The following ZNF728 variants were observed in gnomAD, a reference collection of about 807,000 sequenced individuals.
The protein encoded by ZNF728 is zinc finger protein 728.
In ZNF728, 12 loss-of-function variants were observed where a neutral mutation model predicts 12.5. The ratio of observed to expected loss-of-function variants is 0.96; its 90% CI spans 0.61 to 1.55. The LOEUF (loss-of-function observed/expected upper bound fraction) is 1.55, where lower values mean the gene tolerates loss of function less well. Among genes scored for constraint, ZNF728 ranks in the 40% most tolerant of loss-of-function variants. The pLI is 0.00. For synonymous variants in ZNF728, 205 were observed against 240.7 expected, an observed-to-expected ratio of 0.85 and a Z score of 1.37; for missense variants, 692 against 719.2, an observed-to-expected ratio of 0.96 and a Z score of 0.43.
chr19:22,986,992 T>C (rs922710551), intron 3 of ZNF728, among the ~76,000 whole-genome samples: 48 of 152,140 alleles, frequency 3.2e-4, no homozygotes, highest in African/African-American at 1.1e-3. Context: ...CTTAAAATTA[T>C]GGAAATATCT....
At chr19:22,991,571 A>C (rs1968988253) in intron 1 of ZNF728, among the ~76,000 whole-genome samples, 1 of 152,208 alleles carries the variant, frequency 6.6e-6, no homozygotes, top group African/African-American at 2.4e-5. Flanking sequence ...ATGTTTCTGC[A>C]AGCACTGGTT....
At position 22,977,064 on chromosome 19, in the gene ZNF728, T is replaced by C; in HGVS notation, c.273A>G (p.Arg91=). 6.2e-7 allele frequency: 1 copy of C among 1,608,702 alleles called. No homozygotes were observed. The highest frequency in any genetic ancestry group is 8.5e-7 in the Non-Finnish European group (1 of 1,178,030). ...FAQDLWPEQG[R]EDSFQKVILR... ...ATATCACTTTTTGGAAAGAATCTTC[T>C]CTGCCCTGCTCTGGCCAAAGGTCTT... Residue 91 remains arginine (R), a synonymous_variant, in exon 4 of 4, where the codon AGA becomes AGG. Coordinates refer to ENST00000594710, the MANE Select transcript of ZNF728 (RefSeq NM_001267716.2).
chr19:22,999,950 T>C (rs1424219545), intron 1 of ZNF728, among the ~76,000 whole-genome samples: 2 of 152,244 alleles, frequency 1.3e-5, no homozygotes, highest in Non-Finnish European at 2.9e-5. Context: ...TACCACATTT[T>C]CTTGTGGAAA....
chr19:23,001,749 T>G (rs749371497), intron 1 of ZNF728, among the ~76,000 whole-genome samples: 5 of 152,148 alleles, frequency 3.3e-5, no homozygotes, highest in African/African-American at 9.7e-5. Flanking sequence ...ATGATTAAAA[T>G]AGGTATCAAA....
Position 22,976,948 on chromosome 19 carries a change from T to C in ZNF728, c.389A>G (p.Tyr130Cys). ...TGTCAAACTCTGGTTAAGCTTATTA[T>C]AACCTTTTTTGTGCACCTTACACTC... ...VDECKVHKKG[Y>C]NKLNQSLTTT... The change falls in exon 4 of 4, where the codon TAT becomes TGT. Residue 130 changes from tyrosine (Y) to cysteine (C), a missense_variant. By Grantham distance (194) the Tyr-to-Cys change is radical. Transcript: ENST00000594710. 1 of 1,613,568 alleles carries C rather than the reference T, an allele frequency of 6.2e-7. No individual in the cohort carries two copies. The highest frequency in any genetic ancestry group is 8.5e-7 in the Non-Finnish European group (1 of 1,179,768).
At chr19:22,990,439 C>A (rs1968974533) in intron 1 of ZNF728, among the ~76,000 whole-genome samples, 1 of 152,080 alleles carries the variant, frequency 6.6e-6, no homozygotes, top group African/African-American at 2.4e-5. Flanking sequence ...AAAACTCCAC[C>A]CAATTCTGTC....
intron 3 of ZNF728, among the ~76,000 whole-genome samples, chr19:22,980,762 T>C (rs1490823782): frequency 1.3e-5 from 2 of 152,136 alleles, no homozygotes; most frequent in East Asian, 3.8e-4. Context: ...AACAACCTGC[T>C]CCTGAATGAC....
intron 3 of ZNF728, among the ~76,000 whole-genome samples, chr19:22,985,362 A>G (rs190163355): frequency 6.6e-6 from 1 of 152,318 alleles, no homozygotes; most frequent in Admixed American, 6.5e-5. Flanking sequence ...CAGCATGGTT[A>G]ATATCTGTAA....
At chr19:22,999,783 C>T (rs1969087256) in intron 1 of ZNF728, among the ~76,000 whole-genome samples, 1 of 152,048 alleles carries the variant, frequency 6.6e-6, no homozygotes, top group Non-Finnish European at 1.5e-5. Flanking sequence ...TACATGGGAA[C>T]ACTTCTAGGA....
intron 3 of ZNF728, among the ~76,000 whole-genome samples, chr19:22,978,585 T>TGACA (rs1968830046): frequency 6.6e-6 from 1 of 152,184 alleles, no homozygotes; most frequent in African/African-American, 2.4e-5. Context: ...CAGTAGAAGC[T>TGACA]GACAGACACC....
chr19:22,981,955 T>C (rs1968865361), intron 3 of ZNF728, among the ~76,000 whole-genome samples: 1 of 152,122 alleles, frequency 6.6e-6, no homozygotes, highest in Non-Finnish European at 1.5e-5. Flanking sequence ...AAGCACTCCC[T>C]TTGAAAACCG....
chr19:22,988,584 AAT>A, intron 1 of ZNF728, 133 bp from the exon 2 acceptor site: 1 of 1,317,866 alleles, frequency 7.6e-7, no homozygotes, highest in African/African-American at 1.5e-5. Flanking sequence ...CATTCAATAA[AAT>A]AGTTTTCAAC....
chr19:22,976,667 C>T lies in ZNF728; in HGVS notation c.670G>A (p.Gly224Arg). The change falls in exon 4 of 4, where the codon GGA becomes AGA. Residue 224 changes from glycine to arginine, a missense_variant. By Grantham distance (125) the Gly-to-Arg change is moderately radical (BLOSUM62 -2). This residue lies in a region of ZNF728 where 440 missense variants were observed against 459.6 expected (regional missense o/e 0.96). Transcript: ENST00000594710. ...SALTYKRIHT[G>R]EKPCKCEECG... ...TCTTCACATTTGCAGGGTTTCTCTC[C>T]AGTATGAATTCTCTTATAAGTAAGG... 6.2e-7 allele frequency: 1 copy of T among 1,613,140 alleles called. No individual in the cohort carries two copies. Among genetic ancestry groups the T allele is most frequent in the South Asian group, 1.1e-5 (1 of 91,072 alleles).
chr19:22,985,571 TG>T (rs1968907315), intron 3 of ZNF728: 1 of 150,452 alleles, frequency 6.6e-6, no homozygotes. Context: ...TTCATTCAGG[TG>T]GCAAACTACA....
chr19:22,981,632 A>AT (rs1968862024), intron 3 of ZNF728, among the ~76,000 whole-genome samples: 1 of 152,178 alleles, frequency 6.6e-6, no homozygotes, highest in South Asian at 2.1e-4. Flanking sequence ...ATCCTCAATA[A>AT]AATACTTGCA....
intron 1 of ZNF728, among the ~76,000 whole-genome samples, chr19:22,989,051 C>CAAA (rs68080575): frequency 1.2e-3 from 58 of 50,126 alleles, no homozygotes; most frequent in Admixed American, 2.2e-3. Context: ...AACTCCATCT[C>CAAA]AAAAAAAAAA....
intron 1 of ZNF728, among the ~76,000 whole-genome samples, chr19:22,996,788 A>T: frequency 6.6e-6 from 1 of 152,282 alleles, no homozygotes; most frequent in South Asian, 2.1e-4. Context: ...TTTTTTTTAA[A>T]AAATTAACAA....
rs548101562 is a variant in ZNF728 at position 22,994,544 on chromosome 19, C to T, written c.4-6093G>A. Among the ~76,000 whole-genome samples the T allele has an allele frequency of 2.4e-4, 37 of 152,330 alleles. No homozygotes were observed. In the South Asian group the frequency reaches 7.5e-3, roughly 31 times the overall value. ...AAGACAGAAAGACAGTGACCATAAT[C>T]AGTCTACAAGTAGAATTTACAGCAC... On this transcript the variant is annotated intron_variant, in intron 1 of 3. Coordinates refer to ENST00000594710, the MANE Select transcript of ZNF728 (RefSeq NM_001267716.2).
intron 1 of ZNF728, among the ~76,000 whole-genome samples, chr19:22,990,091 A>G (rs1968969187): frequency 1.3e-5 from 2 of 152,202 alleles, no homozygotes; most frequent in African/African-American, 2.4e-5. Context: ...AGAAAAAAAT[A>G]TATTTTTCAG....
Sources: allele counts gnomAD v4.1 joint callset (sites outside exome capture counted in the v4.1 genomes callset), GRCh38; gene constraint gnomAD v4.1.1; regional missense constraint gnomAD v4.1.1; transcripts MANE v1.5; gene names NCBI Gene and HGNC (gene_info 2026-07-23, HGNC 2026-07-21).